Variants in KIAA1217 observed in about 807,000 individuals in gnomAD.
The protein encoded by KIAA1217 is sickle tail protein homolog.
A neutral mutation model predicts 163.9 loss-of-function variants in KIAA1217; 88 were observed. The observed-to-expected ratio is 0.54, with a 90% CI of 0.45 to 0.64. The LOEUF (loss-of-function observed/expected upper bound fraction) is 0.64, where lower values mean the gene tolerates loss of function less well. Ranked by LOEUF, KIAA1217 falls within the 30% of genes least tolerant of loss-of-function variation. The pLI, the probability that KIAA1217 is intolerant of heterozygous loss-of-function variation, is 0.00. For synonymous variants in KIAA1217, 903 were observed against 923.1 expected, an observed-to-expected ratio of 0.98 and a Z score of 0.39; for missense variants, 2,372 against 2,475.0, an observed-to-expected ratio of 0.96 and a Z score of 0.88.
chr10:23,915,216 C>A (rs1842588378), intron 1 of KIAA1217, among the ~76,000 whole-genome samples: 1 of 151,968 alleles, frequency 6.6e-6, no homozygotes, highest in South Asian at 2.1e-4. Context: ...ACAAAGAGGT[C>A]ATGTAGCTAA....
chr10:24,211,064 A>G (rs1478317067), intron 1 of KIAA1217, among the ~76,000 whole-genome samples: 1 of 152,186 alleles, frequency 6.6e-6, no homozygotes, highest in Non-Finnish European at 1.5e-5. Context: ...TTATCTGGCA[A>G]CCCTATTTGA....
chr10:23,849,291 A>G (rs1389115716), intron 1 of KIAA1217, among the ~76,000 whole-genome samples: 1 of 152,088 alleles, frequency 6.6e-6, no homozygotes, highest in Non-Finnish European at 1.5e-5. Flanking sequence ...TTTTCTGGGA[A>G]CCAGTTTTTA....
chr10:24,289,625 G>A (rs2078901914), intron 2 of KIAA1217, among the ~76,000 whole-genome samples: 1 of 152,092 alleles, frequency 6.6e-6, no homozygotes, highest in South Asian at 2.1e-4. Context: ...TGATGAGGAA[G>A]GAGACTGGAA....
At chr10:24,432,529 C>T (rs190619007) in intron 3 of KIAA1217, among the ~76,000 whole-genome samples, 1 of 152,080 alleles carries the variant, frequency 6.6e-6, no homozygotes, top group Admixed American at 6.5e-5. Context: ...AATCATAGCT[C>T]ACTGCAGCCT....
Position 24,074,661 on chromosome 10 carries a change from ATTCTTCTTC to A in KIAA1217, c.-171+67300_-171+67308del, listed in dbSNP as rs552217743. Among the ~76,000 whole-genome samples the A allele has an allele frequency of 7.4e-5, 11 of 147,992 alleles. No homozygotes were observed. The East Asian group carries it at 1.4e-3, about 19-fold the overall frequency. On this transcript the variant is annotated intron_variant, in intron 2 of 18. Transcript: ENST00000376462. ...TTGCTTTCTGTTCTTATATTCTGGA[ATTCTTCTTC>A]TTCTTCTTCTTCCTCTTCCTCTTCT...
rs41279872 is a variant in KIAA1217 at position 24,546,625 on chromosome 10, C to T, written c.*301C>T. The stretch of plus-strand genomic sequence containing the variant: ...GGTGCGTGTGAGACAGGAGAATTGT[C>T]TTAAGCATATAAAACATGTATGATT... On this transcript the variant is annotated 3_prime_UTR_variant, in exon 21 of 21. Transcript: ENST00000376454. 0.058 allele frequency: 15,701 copies of T among 272,608 alleles called. 612 individuals are homozygous for T. The highest frequency in any genetic ancestry group is 0.08 in the Non-Finnish European group (11,550 of 144,812). The allele number at this position is 272,608 out of a possible 1,614,324, so 16.9% of individuals were successfully genotyped here. A position where few individuals can be genotyped will look rare whatever the true frequency, so the allele number is the denominator to read the frequency against.
At chr10:24,366,287 A>G (rs2134366741) in intron 2 of KIAA1217, among the ~76,000 whole-genome samples, 1 of 152,154 alleles carries the variant, frequency 6.6e-6, no homozygotes, top group East Asian at 1.9e-4. Flanking sequence ...TCTACTAAAT[A>G]TACAAAAATT....
At chr10:24,541,301 C>T (rs1047164305) in intron 17 of KIAA1217, among the ~76,000 whole-genome samples, 1 of 151,896 alleles carries the variant, frequency 6.6e-6, no homozygotes, top group Middle Eastern at 3.4e-3. Context: ...CTGCAGCAGC[C>T]GAATCATGGC....
At chr10:23,806,681 G>C (rs1010038797) in intron 1 of KIAA1217, among the ~76,000 whole-genome samples, 16 of 152,076 alleles carry the variant, frequency 1.1e-4, no homozygotes, top group African/African-American at 3.9e-4. Flanking sequence ...ATCTTCTTAG[G>C]TTTGAACCAA....
intron 14 of KIAA1217, among the ~76,000 whole-genome samples, chr10:24,529,798 A>AT (rs34277036): frequency 0.13 from 17,719 of 132,114 alleles, 1,455 homozygotes; most frequent in African/African-American, 0.22. Context: ...AGCTCATCAC[A>AT]TTTTTTTTTT....
At chr10:23,905,987 G>T in intron 1 of KIAA1217, among the ~76,000 whole-genome samples, 1 of 152,098 alleles carries the variant, frequency 6.6e-6, no homozygotes, top group Non-Finnish European at 1.5e-5. Context: ...CTGGTAGGTT[G>T]AGTGACTGGT....
chr10:23,976,707 C>G (rs1398121938), intron 1 of KIAA1217, among the ~76,000 whole-genome samples: 4 of 152,104 alleles, frequency 2.6e-5, no homozygotes, highest in Non-Finnish European at 4.4e-5. Context: ...AGGCTTTGGT[C>G]TTCAAAGACA....
chr10:24,523,733 C>A (rs1267801797), intron 12 of KIAA1217, among the ~76,000 whole-genome samples: 1 of 152,174 alleles, frequency 6.6e-6, no homozygotes, highest in Non-Finnish European at 1.5e-5. Flanking sequence ...GAACTAACTG[C>A]TATTCAAACA....
chr10:23,796,409 A>G (rs1188313746), intron 1 of KIAA1217, among the ~76,000 whole-genome samples: 2 of 151,794 alleles, frequency 1.3e-5, no homozygotes, highest in African/African-American at 2.4e-5. Flanking sequence ...TGTCACCCAG[A>G]CTGGAGTGCA....
At chr10:24,226,547 T>C (rs1229206348) in intron 2 of KIAA1217, among the ~76,000 whole-genome samples, 1 of 151,352 alleles carries the variant, frequency 6.6e-6, no homozygotes, top group Non-Finnish European at 1.5e-5. Flanking sequence ...GAGGCTGAGG[T>C]GGGAGAATTG....
chr10:24,027,108 C>T (rs1421967232), intron 2 of KIAA1217, among the ~76,000 whole-genome samples: 1 of 151,902 alleles, frequency 6.6e-6, no homozygotes, highest in Admixed American at 6.6e-5. Flanking sequence ...CTGTTGTTAT[C>T]AGAGAAAATA....
chr10:23,855,501 G>A (rs1378044760), intron 1 of KIAA1217, among the ~76,000 whole-genome samples: 1 of 152,136 alleles, frequency 6.6e-6, no homozygotes, highest in Non-Finnish European at 1.5e-5. Context: ...TCTTGGGGTT[G>A]CTCTTCTCGA....
chr10:23,967,701 G>A (rs1224562105), intron 1 of KIAA1217, among the ~76,000 whole-genome samples: 2 of 152,060 alleles, frequency 1.3e-5, no homozygotes, highest in South Asian at 2.1e-4. Flanking sequence ...ATACAATAAT[G>A]CATTTATTTT....
At chr10:23,869,139 T>G (rs1281923973) in intron 1 of KIAA1217, among the ~76,000 whole-genome samples, 2 of 143,780 alleles carry the variant, frequency 1.4e-5, no homozygotes, top group East Asian at 2.0e-4. Flanking sequence ...TTTTTTTTTT[T>G]TTTTTTTTTT....
Sources: allele counts gnomAD v4.1 joint callset (sites outside exome capture counted in the v4.1 genomes callset), GRCh38; gene constraint gnomAD v4.1.1; transcripts MANE v1.5; gene names NCBI Gene and HGNC (gene_info 2026-07-23, HGNC 2026-07-21).